Variants in CACNB4 observed in about 807,000 individuals in gnomAD.
CACNB4 encodes the protein voltage-dependent L-type calcium channel subunit beta-4.
Under a neutral mutation model 71.2 loss-of-function variants are expected in CACNB4, and 32 were observed. The ratio of observed to expected loss-of-function variants is 0.45; its 90% CI spans 0.34 to 0.60. CACNB4 has a LOEUF of 0.60. Among genes scored for constraint, CACNB4 ranks in the 20% least tolerant of loss-of-function variants. The pLI is 0.01. For synonymous variants in CACNB4, 231 were observed against 236.9 expected, an observed-to-expected ratio of 0.97 and a Z score of 0.23; for missense variants, 464 against 647.9, an observed-to-expected ratio of 0.72 and a Z score of 3.08.
chr2:152,004,015 T>C (rs527376349), intron 2 of CACNB4, among the ~76,000 whole-genome samples: 3 of 152,108 alleles, frequency 2.0e-5, no homozygotes, highest in Admixed American at 6.5e-5. Context: ...GGTGACAGGA[T>C]CTCGTTGTTA....
Position 151,883,452 on chromosome 2 carries a change from CTT to C in CACNB4, c.148-84_148-83del, listed in dbSNP as rs1559929426. 12 of 1,456,602 alleles carry C rather than the reference CTT, an allele frequency of 8.2e-6. No homozygotes were observed. In the South Asian group the frequency reaches 1.4e-4, roughly 17 times the overall value. The allele number at this position is 1,456,602 out of a possible 1,614,324, so 90.2% of individuals were successfully genotyped here. Reference sequence around the variant, plus strand: ...CCATAACAGTATCCTGGGGCGAGTTCTTTTTCATTTGCCTAAAATTTGATGCA... The same window carrying C: ...CCATAACAGTATCCTGGGGCGAGTTCTTTCATTTGCCTAAAATTTGATGCA... On this transcript the variant is annotated intron_variant, in intron 2 of 13. Transcript: ENST00000539935.
intron 2 of CACNB4, among the ~76,000 whole-genome samples, chr2:151,919,156 A>T (rs570768881): frequency 6.6e-6 from 1 of 152,328 alleles, no homozygotes; most frequent in Admixed American, 6.5e-5. Flanking sequence ...ATACTAAGTT[A>T]GGCCTTCTGG....
At chr2:152,002,497 TC>T (rs979169904) in intron 2 of CACNB4, among the ~76,000 whole-genome samples, 22 of 152,328 alleles carry the variant, frequency 1.4e-4, no homozygotes, top group African/African-American at 5.1e-4. Context: ...TGCAGATACT[TC>T]CCCAAAGCAA....
chr2:151,944,243 T>C (rs2099865014), intron 2 of CACNB4, among the ~76,000 whole-genome samples: 1 of 152,070 alleles, frequency 6.6e-6, no homozygotes, highest in Non-Finnish European at 1.5e-5. Flanking sequence ...TTTCGCTTTG[T>C]TGCCCAGGCT....
intron 2 of CACNB4, among the ~76,000 whole-genome samples, chr2:152,004,552 C>T (rs951262167): frequency 3.9e-5 from 6 of 152,094 alleles, no homozygotes; most frequent in Middle Eastern, 3.4e-3. Flanking sequence ...CACACACACA[C>T]ACACACACAC....
chr2:152,075,939 C>T (rs78865299), intron 2 of CACNB4, among the ~76,000 whole-genome samples: 1,866 of 152,178 alleles, frequency 0.012, 35 homozygotes, highest in African/African-American at 0.043. Flanking sequence ...CCAAACAAAA[C>T]GAGAGTAAAA....
chr2:152,093,515 C>A (rs1431334259), intron 2 of CACNB4, among the ~76,000 whole-genome samples: 1 of 151,992 alleles, frequency 6.6e-6, no homozygotes, highest in East Asian at 1.9e-4. Flanking sequence ...TGCAACTGAG[C>A]AGGCTCTTGG....
chr2:151,946,716 T>C (rs1365298631), intron 2 of CACNB4, among the ~76,000 whole-genome samples: 1 of 151,814 alleles, frequency 6.6e-6, no homozygotes, highest in Admixed American at 6.6e-5. Context: ...TACAATGGGG[T>C]GGAAAGCAGG....
chr2:151,926,767 A>G (rs2099860351), intron 2 of CACNB4, among the ~76,000 whole-genome samples: 1 of 152,194 alleles, frequency 6.6e-6, no homozygotes, highest in African/African-American at 2.4e-5. Context: ...TGTACCCATC[A>G]CTAGGTCTCA....
intron 2 of CACNB4, among the ~76,000 whole-genome samples, chr2:151,890,091 A>C (rs1223085602): frequency 6.6e-6 from 1 of 152,164 alleles, no homozygotes; most frequent in African/African-American, 2.4e-5. Context: ...ATAAGTATAC[A>C]TTCCCAGCAC....
chr2:152,090,258 C>A (rs1335721412), intron 2 of CACNB4, among the ~76,000 whole-genome samples: 2 of 152,344 alleles, frequency 1.3e-5, no homozygotes, highest in South Asian at 4.1e-4. Context: ...CCAGGGTTGA[C>A]CCTGTCTGGG....
chr2:151,897,959 C>A (rs1224069252), intron 2 of CACNB4, among the ~76,000 whole-genome samples: 2 of 152,062 alleles, frequency 1.3e-5, no homozygotes, highest in Non-Finnish European at 1.5e-5. Flanking sequence ...CTGTTGTAAT[C>A]CCTCTCTTCA....
chr2:151,869,961 T>A, intron 8 of CACNB4: 1 of 492,020 alleles, frequency 2.0e-6, no homozygotes. Flanking sequence ...AAAACAAACA[T>A]CTGAAACGAA....
intron 2 of CACNB4, among the ~76,000 whole-genome samples, chr2:151,935,338 G>A (rs958735314): frequency 4.6e-5 from 7 of 152,114 alleles, no homozygotes; most frequent in African/African-American, 7.2e-5. Context: ...TTCTTCATTC[G>A]TAATAAGGCA....
chr2:151,971,670 C>T (rs961585236), intron 2 of CACNB4: 5 of 700,406 alleles, frequency 7.1e-6, no homozygotes, highest in African/African-American at 3.5e-5. Context: ...AAGCTCTGTT[C>T]ACACCATCTT....
chr2:151,836,730 C>G lies in CACNB4; in HGVS notation c.*2389G>C, dbSNP rs1034524115. ...GACTAAAAACAAGGCTTTGAAAAAC[C>G]TTTAAAAACAAGTGACTTTTAAAAA... On this transcript the variant is annotated 3_prime_UTR_variant, in exon 14 of 14. Transcript: ENST00000539935. The G allele has an allele frequency of 2.0e-5, 3 of 151,842 alleles. No homozygotes were observed. The highest frequency in any genetic ancestry group is 1.3e-4 in the Admixed American group (2 of 15,232). 9.4% of individuals were successfully genotyped at this position (151,842 alleles called of 1,614,324 possible). A position where few individuals can be genotyped will look rare whatever the true frequency, so the allele number is the denominator to read the frequency against.
intron 2 of CACNB4, among the ~76,000 whole-genome samples, chr2:152,000,885 C>T (rs1043750858): frequency 6.6e-6 from 1 of 152,100 alleles, no homozygotes; most frequent in Non-Finnish European, 1.5e-5. Context: ...CTTGAGCCAG[C>T]GCAGATGTGG....
Position 152,073,490 on chromosome 2 carries a change from C to G in CACNB4, c.147+24840G>C, listed in dbSNP as rs117647390. ...TTACATGAGAATTTAGCCACCACCC[C>G]CAGATTCTAGTGCCATCCCCAAGGC... On this transcript the variant is annotated intron_variant, in intron 2 of 13. Coordinates refer to ENST00000539935, the MANE Select transcript of CACNB4 (RefSeq NM_000726.5). 4.3e-4 allele frequency among the ~76,000 whole-genome samples: 65 copies of G among 152,214 alleles called. No homozygotes were observed. In the East Asian group the frequency reaches 8.9e-3, roughly 21 times the overall value.
At chr2:151,921,177 A>T (rs1384146391) in intron 2 of CACNB4, among the ~76,000 whole-genome samples, 7 of 59,672 alleles carry the variant, frequency 1.2e-4, no homozygotes, top group Admixed American at 2.8e-4. Flanking sequence ...AAATAAATAA[A>T]TAAATAAGTT....
Sources: gnomAD v4.1 joint callset for allele counts (sites outside exome capture counted in the v4.1 genomes callset) on GRCh38, gnomAD v4.1.1 for gene constraint, MANE v1.5 for transcripts, NCBI Gene and HGNC (gene_info 2026-07-23, HGNC 2026-07-21) for gene names.